The following CCDC40 variants were observed in gnomAD, a reference collection of about 807,000 sequenced individuals.
The protein encoded by CCDC40 is coiled-coil domain-containing protein 40.
CCDC40 carries 104 observed loss-of-function variants against 124.5 expected under a neutral mutation model. That is an observed-to-expected ratio of 0.84 (90% CI 0.71 to 0.98). The LOEUF (loss-of-function observed/expected upper bound fraction) is 0.98. CCDC40 is among the 50% of genes least tolerant of loss of function. CCDC40 has a pLI of 0.00. For missense variants in CCDC40, 1,463 were observed against 1,503.9 expected, an observed-to-expected ratio of 0.97 and a Z score of 0.45; for synonymous variants, 580 against 602.9, an observed-to-expected ratio of 0.96 and a Z score of 0.56.
chr17:80,069,666 G>A (rs1487114589), intron 10 of CCDC40, among the ~76,000 whole-genome samples: 2 of 152,144 alleles, frequency 1.3e-5, no homozygotes, highest in African/African-American at 2.4e-5. Context: ...CAGGAGAATC[G>A]CCTGAACCCG....
In CCDC40 at chr17:80,047,149, T is replaced by G. The variant is rs958245549; in HGVS notation, c.553-130T>G. The G allele has an allele frequency of 1.5e-4, 168 of 1,086,398 alleles. 1 individual carries two copies. Among genetic ancestry groups the G allele is most frequent in the Non-Finnish European group, 2.6e-5 (19 of 738,210 alleles). The allele number at this position is 1,086,398 out of a possible 1,614,324, so 67.3% of individuals were successfully genotyped here. On this transcript the variant is annotated intron_variant, in intron 3 of 19. Coordinates refer to ENST00000397545, the MANE Select transcript of CCDC40 (RefSeq NM_017950.4). Reference sequence around the variant, plus strand: ...GGCATGAGCCACGTGCCCGGCCAGGTTTTTTAAAAAACACACAGGTGACTA... The same window carrying G: ...GGCATGAGCCACGTGCCCGGCCAGGGTTTTTAAAAAACACACAGGTGACTA...
In CCDC40 at chr17:80,040,290, G is replaced by C. The variant is rs777832827; in HGVS notation, c.552+20G>C. On this transcript the variant is annotated intron_variant, in intron 3 of 19. Coordinates refer to ENST00000397545, the MANE Select transcript of CCDC40 (RefSeq NM_017950.4). ...AGATTGGTGAGTAGCCCTGACTTCT[G>C]TTTTGTGCCAGTGTCGCACGGCCCA... 1.2e-6 allele frequency: 2 copies of C among 1,610,344 alleles called. No individual in the cohort carries two copies. The highest frequency in any genetic ancestry group is 2.2e-5 in the East Asian group (1 of 44,764).
intron 9 of CCDC40, among the ~76,000 whole-genome samples, chr17:80,061,501 A>C (rs2037895212): frequency 6.6e-6 from 1 of 152,260 alleles, no homozygotes; most frequent in Non-Finnish European, 1.5e-5. Context: ...AGAGAGGCTG[A>C]AAGCCAAGGA....
intron 10 of CCDC40, among the ~76,000 whole-genome samples, chr17:80,075,124 C>T (rs749989976): frequency 6.6e-6 from 1 of 152,062 alleles, no homozygotes; most frequent in East Asian, 1.9e-4. Context: ...GGGTTTCAAC[C>T]GTGTTGGCCA....
chr17:80,068,504 T>G (rs1245024786), intron 10 of CCDC40, among the ~76,000 whole-genome samples: 1 of 152,146 alleles, frequency 6.6e-6, no homozygotes, highest in African/African-American at 2.4e-5. Context: ...ACTTCCAAGC[T>G]AGGAGTGCAG....
In CCDC40 at chr17:80,087,831, G is replaced by T. The variant is rs571599713; in HGVS notation, c.2619+55G>T. The T allele has an allele frequency of 2.6e-6, 4 of 1,516,004 alleles. No homozygotes were observed. The East Asian group carries it at 9.0e-5, about 34-fold the overall frequency. The allele number at this position is 1,516,004 out of a possible 1,614,324, so 93.9% of individuals were successfully genotyped here. ...TCAGGACGATGGAGGGCGGGGGTAC[G>T]GTCCTTGCGGTGGGCGTTCTGCACC... is the stretch of plus-strand genomic sequence containing the variant. On this transcript the variant is annotated intron_variant, in intron 15 of 19. Transcript: ENST00000397545. The surrounding 1 kb of genome is among the most constrained non-coding windows in gnomAD (Gnocchi z 4.5).
At chr17:80,089,948 G>A (rs2038667762) in intron 17 of CCDC40, 64 bp downstream of exon 17, 1 of 1,599,894 alleles carries the variant, frequency 6.3e-7, no homozygotes, top group South Asian at 1.1e-5. Context: ...CTGGAGACCT[G>A]GCCACACCAA....
chr17:80,078,516 G>A (rs1050588791), intron 10 of CCDC40, among the ~76,000 whole-genome samples: 3 of 152,092 alleles, frequency 2.0e-5, no homozygotes, highest in Non-Finnish European at 4.4e-5. Context: ...AGTTGTCCCA[G>A]CACCACTTGT....
chr17:80,050,039 G>A, intron 6 of CCDC40, 25 bp from the exon 7 acceptor site: 1 of 1,613,836 alleles, frequency 6.2e-7, no homozygotes, highest in African/African-American at 1.3e-5. Flanking sequence ...GCGTCCTGGT[G>A]ACCCTGTTTC....
At chr17:80,048,152 C>T (rs1238654577) in intron 4 of CCDC40, among the ~76,000 whole-genome samples, 2 of 152,024 alleles carry the variant, frequency 1.3e-5, no homozygotes, top group African/African-American at 2.4e-5. Context: ...CCCAGCTGCT[C>T]GGGAGGCTGA....
In CCDC40 at chr17:80,061,118, G is replaced by A. The variant is rs553295754; in HGVS notation, c.1440+2138G>A. The stretch of plus-strand genomic sequence containing the variant: ...CCCAGCACTTTGGGAGGCCGAGGCC[G>A]CTGGATCACCTGAGGTCAGGAGTTC... On this transcript the variant is annotated intron_variant, in intron 9 of 19. Transcript: ENST00000397545. Among the ~76,000 whole-genome samples, 11 of 152,336 alleles carry A rather than the reference G, an allele frequency of 7.2e-5. No individual in the cohort carries two copies. In the East Asian group the frequency reaches 1.9e-3, roughly 27 times the overall value.
At chr17:80,068,326 C>G (rs1445471467) in intron 10 of CCDC40, among the ~76,000 whole-genome samples, 1 of 152,210 alleles carries the variant, frequency 6.6e-6, no homozygotes, top group Non-Finnish European at 1.5e-5. Flanking sequence ...AGCCACTGCG[C>G]CCGGCCAGTC....
At chr17:80,060,804 A>G (rs1252073347) in intron 9 of CCDC40, among the ~76,000 whole-genome samples, 1 of 152,210 alleles carries the variant, frequency 6.6e-6, no homozygotes, top group Non-Finnish European at 1.5e-5. Flanking sequence ...TTATATAAAA[A>G]CCTAGTAGAT....
At position 80,090,189 on chromosome 17, in the gene CCDC40, C is replaced by T. The variant is rs754293076; in HGVS notation, c.2832+305C>T. 603 of 1,052,152 alleles carry T rather than the reference C, an allele frequency of 5.7e-4. 28 individuals are homozygous for T. The highest frequency in any genetic ancestry group is 7.8e-4 in the Non-Finnish European group (575 of 738,186). 65.2% of individuals were successfully genotyped at this position (1,052,152 alleles called of 1,614,324 possible). A position where few individuals can be genotyped will look rare whatever the true frequency, so the allele number is the denominator to read the frequency against. On this transcript the variant is annotated intron_variant, in intron 17 of 19. Coordinates refer to ENST00000397545, the MANE Select transcript of CCDC40 (RefSeq NM_017950.4). ...CACACAGGCACGTGCACGAACAACA[C>T]GGGACGCACGCAGGCACGTGCACGA...
In CCDC40 at chr17:80,058,003, C is replaced by G. The variant is rs1273054593; in HGVS notation, c.1160-491C>G. On this transcript the variant is annotated intron_variant, in intron 7 of 19. Transcript: ENST00000397545. This position sits in a 1 kb window ranked among gnomAD's most constrained non-coding sequence, Gnocchi z 4.2. ...CTTGGGACAGGATGGAAGCTGCTGC[C>G]TCTTCTAGCCTCGTCCTCTCTGGCC... 6.6e-6 allele frequency among the ~76,000 whole-genome samples: 1 copy of G among 152,206 alleles called. No homozygotes were observed. The highest frequency in any genetic ancestry group is 1.5e-5 in the Non-Finnish European group (1 of 68,034).
Position 80,043,468 on chromosome 17 carries a change from C to T in CCDC40, c.552+3198C>T, listed in dbSNP as rs191765036. Among the ~76,000 whole-genome samples, 318 of 151,832 alleles carry T rather than the reference C, an allele frequency of 2.1e-3. 1 individual carries two copies. The highest frequency in any genetic ancestry group is 7.4e-3 in the African/African-American group (306 of 41,274). Reference sequence around the variant, plus strand: ...TACATACACCATGTACACAGACATTCGCTCACATCTATATTTATTGGAACA... The same window carrying T: ...TACATACACCATGTACACAGACATTTGCTCACATCTATATTTATTGGAACA... On this transcript the variant is annotated intron_variant, in intron 3 of 19. Transcript: ENST00000397545.
chr17:80,075,893 G>A (rs1021840061), intron 10 of CCDC40, among the ~76,000 whole-genome samples: 5 of 152,182 alleles, frequency 3.3e-5, no homozygotes, highest in Non-Finnish European at 7.3e-5. Flanking sequence ...CAGGACTTCA[G>A]CGCAGAAAGT....
Position 80,056,010 on chromosome 17 carries a change from A to ATTTTTT in CCDC40, c.1160-2483_1160-2482insTTTTTT, listed in dbSNP as rs1326886577. 8.9e-3 allele frequency among the ~76,000 whole-genome samples: 122 copies of ATTTTTT among 13,754 alleles called. 10 individuals carry two copies. The East Asian group carries it at 0.092, about 10-fold the overall frequency. 9.0% of individuals were successfully genotyped at this position (13,754 alleles called of 152,430 possible). Reference sequence around the variant, plus strand: ...TATATATATATATATATATATATATATATATATTTTTTTTTTTTTTTGGTA... The same window carrying ATTTTTT: ...TATATATATATATATATATATATATATTTTTTTATATATTTTTTTTTTTTTTTGGTA... On this transcript the variant is annotated intron_variant, in intron 7 of 19. Coordinates refer to ENST00000397545, the MANE Select transcript of CCDC40 (RefSeq NM_017950.4).
rs769204339 is a variant in CCDC40, at chr17:80,088,069, A to G, written c.2678A>G (p.Lys893Arg). Reference protein sequence around the residue: ...QDKLNQLSEEKATLLNQLVEA... With the variant: ...QDKLNQLSEERATLLNQLVEA... ...AAGCTGAACCAGCTCAGCGAGGAGAAGGCGACCCTCCTGAATCAACTGGTG... is the reference window on the plus strand; with the variant it reads ...AAGCTGAACCAGCTCAGCGAGGAGAGGGCGACCCTCCTGAATCAACTGGTG... The change falls in exon 16 of 20, where the codon AAG becomes AGG. Residue 893 changes from lysine (K) to arginine (R), a missense_variant. Physicochemically the swap from Lys to Arg is conservative, Grantham distance 26. Transcript: ENST00000397545. 3 of 1,613,956 alleles carry G rather than the reference A, an allele frequency of 1.9e-6. No homozygotes were observed. Among genetic ancestry groups the G allele is most frequent in the East Asian group, 4.5e-5 (2 of 44,862 alleles).
Sources: allele counts gnomAD v4.1 joint callset (sites outside exome capture counted in the v4.1 genomes callset), GRCh38; gene constraint gnomAD v4.1.1; non-coding constraint Gnocchi (gnomAD v3.1); transcripts MANE v1.5; gene names NCBI Gene and HGNC (gene_info 2026-07-23, HGNC 2026-07-21).